Variants in OSBPL10 observed in about 807,000 individuals in gnomAD.
The protein encoded by OSBPL10 is oxysterol-binding protein-related protein 10.
OSBPL10 carries 49 observed loss-of-function variants against 81.7 expected under a neutral mutation model. That is an observed-to-expected ratio of 0.60 (90% CI 0.48 to 0.76). OSBPL10 has a LOEUF of 0.76. Ranked by LOEUF, OSBPL10 falls within the 30% of genes least tolerant of loss-of-function variation. OSBPL10 has a pLI of 0.00. For missense variants in OSBPL10, 923 were observed against 987.8 expected, an observed-to-expected ratio of 0.93 and a Z score of 0.88; for synonymous variants, 419 against 383.6, an observed-to-expected ratio of 1.09 and a Z score of -1.08.
At chr3:32,016,100 A>C (rs985199365) in intron 2 of OSBPL10, among the ~76,000 whole-genome samples, 3 of 152,226 alleles carry the variant, frequency 2.0e-5, no homozygotes, top group African/African-American at 7.2e-5. Context: ...TACTGGGTAT[A>C]TACCCAAAGG....
intron 3 of OSBPL10, among the ~76,000 whole-genome samples, chr3:31,847,147 C>A (rs1700653249): frequency 6.6e-6 from 1 of 151,904 alleles, no homozygotes; most frequent in Admixed American, 6.6e-5. Flanking sequence ...CCAGGTGGTT[C>A]CCCATCTCAG....
At chr3:31,757,958 G>C (rs1559451734) in intron 4 of OSBPL10, among the ~76,000 whole-genome samples, 1 of 152,132 alleles carries the variant, frequency 6.6e-6, no homozygotes, top group Non-Finnish European at 1.5e-5. Flanking sequence ...CCTTTTGTAA[G>C]GGAAATTTAC....
chr3:31,970,704 G>C (rs1017514655), intron 1 of OSBPL10, among the ~76,000 whole-genome samples: 24 of 152,340 alleles, frequency 1.6e-4, no homozygotes, highest in Admixed American at 1.3e-3. Context: ...GATGCTTCGT[G>C]GACCCACAAA....
At chr3:31,973,289 G>A (rs1698612470) in intron 1 of OSBPL10, among the ~76,000 whole-genome samples, 1 of 152,114 alleles carries the variant, frequency 6.6e-6, no homozygotes, top group Non-Finnish European at 1.5e-5. Context: ...AAGTCAACTG[G>A]GTCCTCATGT....
At chr3:31,811,966 C>T (rs1194707664) in intron 4 of OSBPL10, among the ~76,000 whole-genome samples, 1 of 152,186 alleles carries the variant, frequency 6.6e-6, no homozygotes, top group African/African-American at 2.4e-5. Flanking sequence ...GAAGTTACAT[C>T]TGAACCAATA....
At chr3:31,828,663 G>A (rs940440888) in intron 4 of OSBPL10, among the ~76,000 whole-genome samples, 5 of 152,186 alleles carry the variant, frequency 3.3e-5, no homozygotes, top group African/African-American at 1.2e-4. Context: ...CTCCTAAGTA[G>A]CTGGGACTAC....
At chr3:31,885,420 CAT>C (rs1695705424) in intron 1 of OSBPL10, among the ~76,000 whole-genome samples, 1 of 152,174 alleles carries the variant, frequency 6.6e-6, no homozygotes, top group Non-Finnish European at 1.5e-5. Flanking sequence ...CTCACCTGCA[CAT>C]GTTCTCACTC....
intron 6 of OSBPL10, among the ~76,000 whole-genome samples, chr3:31,710,006 C>T (rs1054125295): frequency 2.6e-5 from 4 of 152,176 alleles, no homozygotes; most frequent in Non-Finnish European, 5.9e-5. Flanking sequence ...ACAGGAAGCT[C>T]ATGAGTATTT....
Position 31,811,822 on chromosome 3 carries a change from T to C in OSBPL10, c.729+18218A>G, listed in dbSNP as rs535057725. Among the ~76,000 whole-genome samples, 246 of 151,798 alleles carry C rather than the reference T, an allele frequency of 1.6e-3. 1 individual carries two copies. Among genetic ancestry groups the C allele is most frequent in the African/African-American group, 5.8e-3 (238 of 41,384 alleles). ...ATCAGAGTAGGATGCTGGGAGAGAG[T>C]AGTCAGAGAGGTCTTTGTGGACAAA... On this transcript the variant is annotated intron_variant, in intron 4 of 11. Coordinates refer to ENST00000396556, the MANE Select transcript of OSBPL10 (RefSeq NM_017784.5).
Position 31,966,864 on chromosome 3 carries a change from T to G in OSBPL10, c.281+14035A>C, listed in dbSNP as rs375500341. On this transcript the variant is annotated intron_variant, in intron 1 of 11. Transcript: ENST00000396556. Reference sequence around the variant, plus strand: ...TGAAAAGCTGTTCAGTGTCATTAGCTATCAGCCAATTACAAATGAAAACCA... The same window carrying G: ...TGAAAAGCTGTTCAGTGTCATTAGCGATCAGCCAATTACAAATGAAAACCA... Among the ~76,000 whole-genome samples, 35 of 152,282 alleles carry G rather than the reference T, an allele frequency of 2.3e-4. No individual in the cohort carries two copies. The South Asian group carries it at 7.1e-3, about 31-fold the overall frequency.
At chr3:31,716,641 G>A (rs999961420) in intron 6 of OSBPL10, among the ~76,000 whole-genome samples, 34 of 152,286 alleles carry the variant, frequency 2.2e-4, no homozygotes, top group Middle Eastern at 6.8e-3. Flanking sequence ...AATCCTAGGC[G>A]GCCAGTGAGG....
Position 31,689,830 on chromosome 3 carries a change from C to T in OSBPL10, c.1246-5716G>A, listed in dbSNP as rs188151295. On this transcript the variant is annotated intron_variant, in intron 7 of 11. Transcript: ENST00000396556. Reference sequence around the variant, plus strand: ...TTGGAACTATAAGTCCGTTAAACCTCTTTTTCTTCCCAGTCTCAGGTATGT... The same window carrying T: ...TTGGAACTATAAGTCCGTTAAACCTTTTTTTCTTCCCAGTCTCAGGTATGT... 3.3e-5 allele frequency among the ~76,000 whole-genome samples: 5 copies of T among 152,284 alleles called. No individual in the cohort carries two copies. The South Asian group carries it at 6.2e-4, about 19-fold the overall frequency.
chr3:32,030,507 C>A, intron 2 of OSBPL10: 2 of 721,064 alleles, frequency 2.8e-6, no homozygotes, highest in Non-Finnish European at 5.1e-6. Context: ...GCTGAGATCG[C>A]TTCCTAAAAT....
intron 6 of OSBPL10, chr3:31,708,777 G>A (rs1205579151): frequency 3.0e-6 from 3 of 985,338 alleles, no homozygotes; most frequent in African/African-American, 1.7e-5. Flanking sequence ...TGGTGGCTGT[G>A]TCTAATTCTC....
chr3:31,864,412 T>G (rs1411815044), intron 3 of OSBPL10, among the ~76,000 whole-genome samples: 1 of 152,014 alleles, frequency 6.6e-6, no homozygotes, highest in East Asian at 1.9e-4. Flanking sequence ...CAGCACATTT[T>G]TGTATTTTTG....
chr3:31,667,958 A>G (rs1700238177), intron 10 of OSBPL10, among the ~76,000 whole-genome samples: 1 of 152,284 alleles, frequency 6.6e-6, no homozygotes, highest in East Asian at 1.9e-4. Flanking sequence ...GTCACAGCAT[A>G]GATATACAAA....
At chr3:31,907,393 G>A (rs895243209) in intron 1 of OSBPL10, among the ~76,000 whole-genome samples, 1 of 151,978 alleles carries the variant, frequency 6.6e-6, no homozygotes, top group Non-Finnish European at 1.5e-5. Flanking sequence ...CTGGAAGGCC[G>A]AGGTGGGCAG....
intron 2 of OSBPL10, among the ~76,000 whole-genome samples, chr3:32,019,483 G>C (rs1455061050): frequency 6.6e-6 from 1 of 152,210 alleles, no homozygotes; most frequent in Non-Finnish European, 1.5e-5. Context: ...ATAATAAGCA[G>C]AGACGTGTGG....
At chr3:31,688,094 C>T (rs1028555563) in intron 7 of OSBPL10, among the ~76,000 whole-genome samples, 3 of 151,890 alleles carry the variant, frequency 2.0e-5, no homozygotes, top group Non-Finnish European at 2.9e-5. Flanking sequence ...GAAGGAAGGG[C>T]GTAGGAGGCG....
Sources: gnomAD v4.1 joint callset for allele counts (sites outside exome capture counted in the v4.1 genomes callset) on GRCh38, gnomAD v4.1.1 for gene constraint, MANE v1.5 for transcripts, NCBI Gene and HGNC (gene_info 2026-07-23, HGNC 2026-07-21) for gene names.